The following PCDHGB2 variants were observed in gnomAD, a reference collection of about 807,000 sequenced individuals.
PCDHGB2 encodes the protein protocadherin gamma-B2.
Under a neutral mutation model 59.3 loss-of-function variants are expected in PCDHGB2, and 55 were observed. The observed-to-expected ratio is 0.93, with a 90% CI of 0.75 to 1.16. The LOEUF (loss-of-function observed/expected upper bound fraction) is 1.16, where lower values mean the gene tolerates loss of function less well. Among genes scored for constraint, PCDHGB2 ranks in the 50% most tolerant of loss-of-function variants. PCDHGB2 has a pLI of 0.00. For synonymous variants in PCDHGB2, 516 were observed against 512.0 expected (o/e 1.01, Z -0.11); for missense variants, 1,228 against 1,198.5 (o/e 1.02, Z -0.36).
chr5:141,426,887 G>A (rs1309180455), intron 1 of PCDHGB2: 1 of 456,646 alleles, frequency 2.2e-6, no homozygotes, highest in Non-Finnish European at 4.4e-6. Context: ...TGGGCCAGGA[G>A]CAACAGAGCT....
chr5:141,428,757 G>T (rs1216855355), intron 1 of PCDHGB2: 1 of 154,176 alleles, frequency 6.5e-6, no homozygotes, highest in Non-Finnish European at 1.4e-5. Context: ...CTTCAGGTTT[G>T]TTTGCCCACT....
Position 141,491,732 on chromosome 5 carries a change from C to G in PCDHGB2, c.2422-3075C>G. ...GGCTCGGCGCCGCCCCGGGCGACCC[C>G]TGGGGGCGGCACTGGAGAAGCCGCC... On this transcript the variant is annotated intron_variant, in intron 1 of 3. Coordinates refer to ENST00000522605, the MANE Select transcript of PCDHGB2 (RefSeq NM_018923.3). This position sits in a 1 kb window ranked among gnomAD's most constrained non-coding sequence, Gnocchi z 6.9. The G allele has an allele frequency of 1.2e-6, 2 of 1,602,752 alleles. No individual in the cohort carries two copies. Among genetic ancestry groups the G allele is most frequent in the Non-Finnish European group, 1.7e-6 (2 of 1,175,308 alleles).
chr5:141,415,744 T>TTTTTG, intron 1 of PCDHGB2: 1 of 404,416 alleles, frequency 2.5e-6, no homozygotes, highest in Non-Finnish European at 3.0e-6. Context: ...ATTAAGGTTT[T>TTTTTG]TTTTTTTTTT....
intron 1 of PCDHGB2, among the ~76,000 whole-genome samples, chr5:141,462,223 G>A (rs563764515): frequency 2.0e-5 from 3 of 152,144 alleles, no homozygotes; most frequent in Admixed American, 2.0e-4. Flanking sequence ...GCCTCCCAAA[G>A]TGCAGGGATT....
chr5:141,395,013 G>A, intron 1 of PCDHGB2: 2 of 1,614,064 alleles, frequency 1.2e-6, no homozygotes, highest in South Asian at 1.1e-5. Flanking sequence ...CAGATTGGTA[G>A]GCGTGCCTGC....
At chr5:141,446,312 T>C (rs2098498076) in intron 1 of PCDHGB2, among the ~76,000 whole-genome samples, 1 of 152,208 alleles carries the variant, frequency 6.6e-6, no homozygotes, top group African/African-American at 2.4e-5. Flanking sequence ...GAGTGATTCC[T>C]GGGTTTCCAC....
At chr5:141,434,431 T>C (rs931458644) in intron 1 of PCDHGB2, among the ~76,000 whole-genome samples, 2 of 152,186 alleles carry the variant, frequency 1.3e-5, no homozygotes, top group African/African-American at 2.4e-5. Context: ...ATGATGGCCG[T>C]AATGCCCATG....
chr5:141,430,595 G>A (rs549786394), intron 1 of PCDHGB2: 28 of 567,134 alleles, frequency 4.9e-5, no homozygotes, highest in African/African-American at 3.8e-4. Flanking sequence ...CCTTGCACGC[G>A]CCTGAAGCAC....
Position 141,490,241 on chromosome 5 carries a change from G to T in PCDHGB2, c.2422-4566G>T. 2 of 1,614,246 alleles carry T rather than the reference G, an allele frequency of 1.2e-6. No individual in the cohort carries two copies. Among genetic ancestry groups the T allele is most frequent in the Non-Finnish European group, 1.7e-6 (2 of 1,180,048 alleles). On this transcript the variant is annotated intron_variant, in intron 1 of 3. Transcript: ENST00000522605. This position sits in a 1 kb window ranked among gnomAD's most constrained non-coding sequence, Gnocchi z 5.4. Reference sequence around the variant, plus strand: ...GGACAGCCTGCCATGGAGGGCCACTGTGTGATTCAAGTGGATGTGGGGGAT... The same window carrying T: ...GGACAGCCTGCCATGGAGGGCCACTTTGTGATTCAAGTGGATGTGGGGGAT...
intron 1 of PCDHGB2, chr5:141,428,149 G>A (rs1048150182): frequency 8.8e-6 from 14 of 1,586,676 alleles, no homozygotes; most frequent in African/African-American, 1.3e-5. Flanking sequence ...CTGCACACGG[G>A]AACCTGCTGG....
intron 1 of PCDHGB2, chr5:141,420,315 A>G (rs755723069): frequency 6.2e-6 from 9 of 1,440,144 alleles, no homozygotes; most frequent in Non-Finnish European, 8.4e-6. Context: ...TTATATTACA[A>G]TATGCCAATA....
At chr5:141,421,843 G>C (rs769652818) in intron 1 of PCDHGB2, 1 of 1,613,798 alleles carries the variant, frequency 6.2e-7, no homozygotes, top group Non-Finnish European at 8.5e-7. Context: ...CCGAGAGAAA[G>C]AGGCTGCTCA....
intron 1 of PCDHGB2, chr5:141,410,801 A>G (rs2095424401): frequency 3.4e-6 from 2 of 587,942 alleles, no homozygotes; most frequent in Admixed American, 4.2e-5. Context: ...AAGTTGCTCT[A>G]TCTTTTTGTA....
chr5:141,394,729 A>T (rs765609733), intron 1 of PCDHGB2: 44 of 1,613,302 alleles, frequency 2.7e-5, no homozygotes, highest in African/African-American at 4.0e-5. Flanking sequence ...GATGCGCTCA[A>T]GCAGAGCCTC....
At position 141,413,407 on chromosome 5, in the gene PCDHGB2, C is replaced by G. The variant is rs372466798; in HGVS notation, c.2421+50851C>G. The G allele has an allele frequency of 3.3e-5, 53 of 1,613,926 alleles. No homozygotes were observed. Among genetic ancestry groups the G allele is most frequent in the Middle Eastern group, 1.6e-4 (1 of 6,082 alleles). ...CATAGTCTCCAGAGGTAGGACGCAG[C>G]TTTTCTCTCTGAACCCGCGCAGCGG... On this transcript the variant is annotated intron_variant, in intron 1 of 3. Transcript: ENST00000522605.
intron 2 of PCDHGB2, among the ~76,000 whole-genome samples, chr5:141,501,988 T>C (rs2099812189): frequency 6.6e-6 from 1 of 152,056 alleles, no homozygotes; most frequent in Non-Finnish European, 1.5e-5. Flanking sequence ...GGTCCCGTTG[T>C]CTCCCTGACA....
At position 141,505,394 on chromosome 5, in the gene PCDHGB2, T is replaced by C; in HGVS notation, c.2482T>C (p.Ser828Pro). 6.2e-7 allele frequency: 1 copy of C among 1,614,110 alleles called. No homozygotes were observed. The highest frequency in any genetic ancestry group is 8.5e-7 in the Non-Finnish European group (1 of 1,180,002). The part of the protein sequence containing the change: ...SQAQRPGTSG[S>P]QNGDDTGTWP... ...CTCACCATCCTACTCTCTCCCCAGC[T>C]CCCAAAATGGCGATGACACCGGCAC... Residue 828 changes from serine (S) to proline (P), a missense_variant and splice_region_variant, in exon 3 of 4, where the codon TCC becomes CCC. By Grantham distance (74) the Ser-to-Pro change is moderately conservative. Coordinates refer to ENST00000522605, the MANE Select transcript of PCDHGB2 (RefSeq NM_018923.3).
chr5:141,453,022 T>C (rs1222692572), intron 1 of PCDHGB2, among the ~76,000 whole-genome samples: 1 of 152,230 alleles, frequency 6.6e-6, no homozygotes, highest in Non-Finnish European at 1.5e-5. Flanking sequence ...ATGTGATTCA[T>C]TAAAATAAAG....
chr5:141,431,003 G>T lies in PCDHGB2; in HGVS notation c.2422-63804G>T, dbSNP rs2097334899. ...GCTTTTCGCCCTGAATCCGCGCAGC[G>T]GCAGCTTGGTCACGGCGGGCAGGAT... On this transcript the variant is annotated intron_variant, in intron 1 of 3. Coordinates refer to ENST00000522605, the MANE Select transcript of PCDHGB2 (RefSeq NM_018923.3). This position sits in a 1 kb window ranked among gnomAD's most constrained non-coding sequence, Gnocchi z 4.8. 1.9e-6 allele frequency: 3 copies of T among 1,613,960 alleles called. No homozygotes were observed. The highest frequency in any genetic ancestry group is 2.5e-6 in the Non-Finnish European group (3 of 1,179,982).
Sources: gnomAD v4.1 joint callset for allele counts (sites outside exome capture counted in the v4.1 genomes callset) on GRCh38, gnomAD v4.1.1 for gene constraint, Gnocchi (gnomAD v3.1) non-coding constraint, MANE v1.5 for transcripts, NCBI Gene and HGNC (gene_info 2026-07-23, HGNC 2026-07-21) for gene names.